The following GREB1L variants were observed in gnomAD, a reference collection of about 807,000 sequenced individuals.
GREB1L encodes the protein GREB1-like protein.
In GREB1L, 17 loss-of-function variants were observed where a neutral mutation model predicts 200.8. The observed-to-expected ratio is 0.08, with a 90% CI of 0.06 to 0.13. The LOEUF is 0.13. GREB1L is among the 10% of genes least tolerant of loss of function. The probability of loss-of-function intolerance (pLI) is 1.00; values close to 1 mark genes in which losing one functional copy is unlikely to be tolerated. For missense variants in GREB1L, 1,657 were observed against 2,367.7 expected (o/e 0.70, Z 6.23); for synonymous variants, 789 against 893.0 (o/e 0.88, Z 2.08).
chr18:21,278,837 A>G (rs559145470), intron 1 of GREB1L, among the ~76,000 whole-genome samples: 1 of 152,212 alleles, frequency 6.6e-6, no homozygotes, highest in African/African-American at 2.4e-5. Context: ...CTTAATGTCA[A>G]TGTTTCATTA....
chr18:21,517,414 A>C (rs1450583962), intron 30 of GREB1L, among the ~76,000 whole-genome samples: 1 of 152,058 alleles, frequency 6.6e-6, no homozygotes, highest in East Asian at 1.9e-4. Flanking sequence ...GCTGGACTGC[A>C]GTGGCATGAT....
chr18:21,263,520 A>G (rs1321568634), intron 1 of GREB1L, among the ~76,000 whole-genome samples: 1 of 152,192 alleles, frequency 6.6e-6, no homozygotes, highest in African/African-American at 2.4e-5. Flanking sequence ...ATCTTTATAT[A>G]GAATCTTTTC....
At chr18:21,408,828 C>A (rs2030613812) in intron 7 of GREB1L, among the ~76,000 whole-genome samples, 1 of 148,002 alleles carries the variant, frequency 6.8e-6, no homozygotes, top group African/African-American at 2.5e-5. Context: ...TGAGATACTA[C>A]TTCACATCCT....
At chr18:21,516,536 C>T in intron 29 of GREB1L, 77 bp from the exon 30 acceptor site, 1 of 1,363,976 alleles carries the variant, frequency 7.3e-7, no homozygotes, top group Non-Finnish European at 1.0e-6. Flanking sequence ...TCTTGCCACA[C>T]ATTTATTTCT....
At chr18:21,515,162 G>A (rs1284239805) in intron 28 of GREB1L, among the ~76,000 whole-genome samples, 1 of 152,148 alleles carries the variant, frequency 6.6e-6, no homozygotes, top group Non-Finnish European at 1.5e-5. Flanking sequence ...TTTATTCACT[G>A]TTCACTCTGA....
Position 21,403,017 on chromosome 18 carries a change from T to C in GREB1L, c.710-855T>C, listed in dbSNP as rs561788792. 2.6e-5 allele frequency among the ~76,000 whole-genome samples: 4 copies of C among 152,228 alleles called. No individual in the cohort carries two copies. In the South Asian group the frequency reaches 8.3e-4, roughly 32 times the overall value. On this transcript the variant is annotated intron_variant, in intron 6 of 32. Transcript: ENST00000424526. ...TACAATAGCTCTTCATAGCAGGTCA[T>C]AGCATAGAAGGTTATAGAAAACTGC... is the stretch of plus-strand genomic sequence containing the variant.
chr18:21,345,503 A>C (rs1421388520), intron 1 of GREB1L, among the ~76,000 whole-genome samples: 1 of 152,190 alleles, frequency 6.6e-6, no homozygotes, highest in Non-Finnish European at 1.5e-5. Flanking sequence ...ATCACTTGTC[A>C]GTCAGCTGTG....
intron 1 of GREB1L, among the ~76,000 whole-genome samples, chr18:21,349,158 A>G (rs1307950207): frequency 2.0e-5 from 3 of 152,076 alleles, no homozygotes; most frequent in Non-Finnish European, 4.4e-5. Context: ...GAAACTTTTT[A>G]TCTGGTCTCT....
intron 15 of GREB1L, among the ~76,000 whole-genome samples, chr18:21,472,508 C>T (rs2035522258): frequency 6.6e-6 from 1 of 152,100 alleles, no homozygotes; most frequent in African/African-American, 2.4e-5. Flanking sequence ...AAATACTGTG[C>T]AAGATGGTCA....
chr18:21,489,920 C>G (rs548707895), intron 18 of GREB1L, 92 bp from the exon 19 acceptor site: 1 of 891,628 alleles, frequency 1.1e-6, no homozygotes, highest in East Asian at 2.6e-5. Flanking sequence ...GCCCCTTCCC[C>G]ACCATGCTTA....
intron 1 of GREB1L, among the ~76,000 whole-genome samples, chr18:21,289,572 C>T (rs1040829281): frequency 5.3e-5 from 8 of 151,934 alleles, no homozygotes; most frequent in African/African-American, 1.9e-4. Flanking sequence ...CTGGTCTTAT[C>T]CTTAACATAT....
At chr18:21,268,418 C>G (rs1228227328) in intron 1 of GREB1L, among the ~76,000 whole-genome samples, 1 of 149,574 alleles carries the variant, frequency 6.7e-6, no homozygotes, top group Non-Finnish European at 1.5e-5. Flanking sequence ...TGCTTGAAGT[C>G]CCCTGTTCCT....
At chr18:21,282,982 G>A (rs2038295428) in intron 1 of GREB1L, among the ~76,000 whole-genome samples, 1 of 152,164 alleles carries the variant, frequency 6.6e-6, no homozygotes, top group Non-Finnish European at 1.5e-5. Context: ...TTTTCTATGA[G>A]CATTTTTGCT....
Position 21,428,332 on chromosome 18 carries a change from C to CTTTTTTTTTTTTTT in GREB1L, c.833-11176_833-11163dup, listed in dbSNP as rs59982674. On this transcript the variant is annotated intron_variant, in intron 7 of 32. Transcript: ENST00000424526. ...TTATTTTGGGTTTTTGTCTTTTTGT[C>CTTTTTTTTTTTTTT]TTTTTTTTTTTTTTTTTTTTTTTTT... Among the ~76,000 whole-genome samples, 101 of 54,040 alleles carry CTTTTTTTTTTTTTT rather than the reference C, an allele frequency of 1.9e-3. 1 individual carries two copies. The highest frequency in any genetic ancestry group is 2.8e-3 in the Non-Finnish European group (79 of 27,988). The allele number at this position is 54,040 out of a possible 152,430, so 35.5% of individuals were successfully genotyped here. A position where few individuals can be genotyped will look rare whatever the true frequency, so the allele number is the denominator to read the frequency against.
chr18:21,497,711 A>G (rs2036600263), intron 21 of GREB1L, among the ~76,000 whole-genome samples: 1 of 151,974 alleles, frequency 6.6e-6, no homozygotes, highest in African/African-American at 2.4e-5. Flanking sequence ...AGAATGTAAC[A>G]AAGTACAGAG....
intron 1 of GREB1L, among the ~76,000 whole-genome samples, chr18:21,247,668 C>T (rs2037630198): frequency 6.6e-6 from 1 of 152,150 alleles, no homozygotes; most frequent in Non-Finnish European, 1.5e-5. Flanking sequence ...CTCTAATTAC[C>T]AACCTTCTGG....
chr18:21,414,764 G>T (rs542447979), intron 7 of GREB1L, among the ~76,000 whole-genome samples: 1 of 152,148 alleles, frequency 6.6e-6, no homozygotes, highest in African/African-American at 2.4e-5. Flanking sequence ...CACGGTTATA[G>T]AATCAGTAGC....
At chr18:21,382,644 A>T (rs1293252128) in intron 2 of GREB1L, among the ~76,000 whole-genome samples, 2 of 151,830 alleles carry the variant, frequency 1.3e-5, no homozygotes, top group African/African-American at 4.8e-5. Context: ...GGCACATGCC[A>T]CCATGCCTGG....
intron 7 of GREB1L, among the ~76,000 whole-genome samples, chr18:21,419,320 A>G (rs898397594): frequency 1.2e-4 from 19 of 152,240 alleles, no homozygotes; most frequent in African/African-American, 3.4e-4. Context: ...AGAAGACCCA[A>G]TGAAATCTTT....
Sources: gnomAD v4.1 joint callset for allele counts (sites outside exome capture counted in the v4.1 genomes callset) on GRCh38, gnomAD v4.1.1 for gene constraint, MANE v1.5 for transcripts, NCBI Gene and HGNC (gene_info 2026-07-23, HGNC 2026-07-21) for gene names.